The following STK4 variants were observed in gnomAD, a reference collection of about 807,000 sequenced individuals.
The protein encoded by STK4 is serine/threonine-protein kinase 4.
A neutral mutation model predicts 64.9 loss-of-function variants in STK4; 30 were observed. That is an observed-to-expected ratio of 0.46 (90% CI 0.35 to 0.63). The LOEUF is 0.63. Ranked by LOEUF, STK4 falls within the 20% of genes least tolerant of loss-of-function variation. The pLI, the probability that STK4 is intolerant of heterozygous loss-of-function variation, is 0.01. For missense variants in STK4, 466 were observed against 598.5 expected, an observed-to-expected ratio of 0.78 and a Z score of 2.31; for synonymous variants, 177 against 199.0, an observed-to-expected ratio of 0.89 and a Z score of 0.93.
At chr20:44,966,841 G>C (rs958858084) in intron 1 of STK4, among the ~76,000 whole-genome samples, 1 of 152,154 alleles carries the variant, frequency 6.6e-6, no homozygotes, top group African/African-American at 2.4e-5. Flanking sequence ...AGACTGTGCT[G>C]AGGAACGTGG....
chr20:45,028,200 C>T (rs1375200259), intron 10 of STK4, among the ~76,000 whole-genome samples: 2 of 152,040 alleles, frequency 1.3e-5, no homozygotes, highest in Admixed American at 6.6e-5. Context: ...TTTTTATAAT[C>T]GTTTTATTAC....
chr20:45,053,722 T>G (rs1471984234), intron 10 of STK4, among the ~76,000 whole-genome samples: 1 of 152,162 alleles, frequency 6.6e-6, no homozygotes. Flanking sequence ...TGATAAACTT[T>G]CAGAATTGAA....
At chr20:44,982,978 G>T (rs573854647) in intron 4 of STK4, among the ~76,000 whole-genome samples, 1 of 152,018 alleles carries the variant, frequency 6.6e-6, no homozygotes, top group African/African-American at 2.4e-5. Context: ...GTTGAGGAAG[G>T]TCACTCAGAA....
intron 4 of STK4, among the ~76,000 whole-genome samples, chr20:44,985,064 G>A (rs2067508872): frequency 6.6e-6 from 1 of 152,158 alleles, no homozygotes; most frequent in African/African-American, 2.4e-5. Context: ...TAAAGAGGTG[G>A]TAAGTCAAGT....
At chr20:45,003,634 T>TG (rs968616372) in intron 9 of STK4, among the ~76,000 whole-genome samples, 19 of 152,114 alleles carry the variant, frequency 1.2e-4, no homozygotes, top group Admixed American at 6.5e-4. Context: ...GCTATGCATG[T>TG]GTGGCAGGGA....
intron 10 of STK4, among the ~76,000 whole-genome samples, chr20:45,047,522 C>T (rs1568752883): frequency 6.6e-6 from 1 of 152,150 alleles, no homozygotes; most frequent in African/African-American, 2.4e-5. Flanking sequence ...GCCCATTGTG[C>T]ACTCTTTGGA....
intron 10 of STK4, among the ~76,000 whole-genome samples, chr20:45,026,128 G>GGTTTTTTTTGTT (rs1490924969): frequency 4.7e-5 from 6 of 128,982 alleles, no homozygotes; most frequent in African/African-American, 1.8e-4. Flanking sequence ...TTATCCAGTG[G>GGTTTTTTTTGTT]TTTTTTTTTT....
intron 4 of STK4, among the ~76,000 whole-genome samples, chr20:44,984,022 T>G (rs1226692838): frequency 6.6e-6 from 1 of 151,956 alleles, no homozygotes; most frequent in Non-Finnish European, 1.5e-5. Context: ...ATTTCAGGGC[T>G]TCTTATATGC....
At chr20:44,993,837 G>C (rs897031221) in intron 5 of STK4, among the ~76,000 whole-genome samples, 30 of 152,080 alleles carry the variant, frequency 2.0e-4, no homozygotes, top group African/African-American at 7.0e-4. Flanking sequence ...AAATTAGTCG[G>C]GCATGATGGT....
chr20:45,014,393 T>C (rs1442385185), intron 9 of STK4, among the ~76,000 whole-genome samples: 1 of 151,932 alleles, frequency 6.6e-6, no homozygotes, highest in Non-Finnish European at 1.5e-5. Flanking sequence ...ACCACTACAC[T>C]CCAGCCTGGG....
chr20:44,975,343 A>G (rs2067321236), intron 2 of STK4: 3 of 984,458 alleles, frequency 3.0e-6, no homozygotes, highest in African/African-American at 1.7e-5. Flanking sequence ...GATGCAGTAT[A>G]TGGAATCAGG....
At chr20:45,031,465 A>C (rs2068441480) in intron 10 of STK4, among the ~76,000 whole-genome samples, 1 of 152,226 alleles carries the variant, frequency 6.6e-6, no homozygotes, top group Non-Finnish European at 1.5e-5. Context: ...GAGTCTGGAT[A>C]AAAATAACAG....
chr20:44,967,375 C>G (rs2067169589), intron 1 of STK4: 1 of 290,946 alleles, frequency 3.4e-6, no homozygotes, highest in Admixed American at 6.5e-5. Flanking sequence ...CCCTGCCAGT[C>G]TGTGCCCTTT....
intron 10 of STK4, among the ~76,000 whole-genome samples, chr20:45,026,393 G>A (rs780874692): frequency 1.3e-5 from 2 of 151,248 alleles, no homozygotes; most frequent in Non-Finnish European, 2.9e-5. Context: ...GTTCTCACTG[G>A]TAAGAAGATG....
At chr20:44,970,347 A>G (rs1051327381) in intron 1 of STK4, among the ~76,000 whole-genome samples, 6 of 152,202 alleles carry the variant, frequency 3.9e-5, no homozygotes, top group African/African-American at 1.4e-4. Context: ...AGTAGTTGAA[A>G]TAGTGACTTT....
At chr20:44,983,316 T>C (rs1385751089) in intron 4 of STK4, among the ~76,000 whole-genome samples, 1 of 152,098 alleles carries the variant, frequency 6.6e-6, no homozygotes, top group Non-Finnish European at 1.5e-5. Flanking sequence ...GAAAGATAAC[T>C]CTGGGGCTGG....
intron 10 of STK4, among the ~76,000 whole-genome samples, chr20:45,045,626 T>TC (rs1158249982): frequency 5.9e-5 from 9 of 152,206 alleles, no homozygotes; most frequent in African/African-American, 1.7e-4. Context: ...GTGTTTTTTT[T>TC]CATGCTTATT....
intron 10 of STK4, among the ~76,000 whole-genome samples, chr20:45,036,007 A>G (rs767268817): frequency 3.9e-5 from 6 of 152,214 alleles, no homozygotes; most frequent in Non-Finnish European, 7.3e-5. Context: ...CTTAATAGGA[A>G]GAATAAGTTC....
At chr20:45,070,164 A>G (rs1181896839) in intron 10 of STK4, among the ~76,000 whole-genome samples, 2 of 152,200 alleles carry the variant, frequency 1.3e-5, no homozygotes, top group Non-Finnish European at 2.9e-5. Flanking sequence ...AGAGGGAGTA[A>G]TAGATTATGA....
Sources: allele counts gnomAD v4.1 joint callset (sites outside exome capture counted in the v4.1 genomes callset), GRCh38; gene constraint gnomAD v4.1.1; transcripts MANE v1.5; gene names NCBI Gene and HGNC (gene_info 2026-07-23, HGNC 2026-07-21).